Variants in RP1L1 observed in about 807,000 individuals in gnomAD.
RP1L1 encodes RP1 like 1, also known as retinitis pigmentosa 1-like 1 protein.
Under a neutral mutation model 15.7 loss-of-function variants are expected in RP1L1, and 27 were observed. That is an observed-to-expected ratio of 1.72 (90% CI 1.27 to 2.38). The LOEUF (loss-of-function observed/expected upper bound fraction) is 2.38. Ranked by LOEUF, RP1L1 falls within the 30% of genes most tolerant of loss-of-function variation. RP1L1 has a pLI of 0.00. For synonymous variants in RP1L1, 1,813 were observed against 1,276.7 expected, an observed-to-expected ratio of 1.42 and a Z score of -8.96; for missense variants, 4,798 against 3,075.9, an observed-to-expected ratio of 1.56 and a Z score of -13.24.
intron 1 of RP1L1, among the ~76,000 whole-genome samples, chr8:10,642,458 C>T (rs959895045): frequency 2.0e-5 from 3 of 152,314 alleles, no homozygotes; most frequent in Non-Finnish European, 2.9e-5. Flanking sequence ...GCCTGGAACG[C>T]GTATGCGATG....
intron 1 of RP1L1, among the ~76,000 whole-genome samples, chr8:10,651,930 T>G (rs975966703): frequency 2.0e-5 from 3 of 152,118 alleles, no homozygotes; most frequent in African/African-American, 7.2e-5. Context: ...AGGTGTGCCA[T>G]TTAAAAAAAT....
Position 10,610,889 on chromosome 8 carries a change from A to G in RP1L1, c.3209T>C (p.Val1070Ala), listed in dbSNP as rs746579166. Residue 1070 changes from valine to alanine, a missense_variant, in exon 4 of 4, where the codon GTG (valine) becomes GCG (alanine). Val to Ala is a moderately conservative substitution (Grantham distance 64). Coordinates refer to ENST00000382483, the MANE Select transcript of RP1L1 (RefSeq NM_178857.6). The stretch of plus-strand genomic sequence containing the variant: ...CCGGCCAGGAAGTGCCCGCAGGCTC[A>G]CCCTGCAGCCTGCTGGGGCCTCTCT... ...ADREAPAGCR[V>A]SLRALPGRVS... is the part of the protein sequence containing the mutation. The G allele has an allele frequency of 1.1e-5, 17 of 1,610,100 alleles. No homozygotes were observed. The highest frequency in any genetic ancestry group is 1.4e-5 in the Non-Finnish European group (16 of 1,178,524).
At chr8:10,618,590 G>T (rs577086970) in intron 2 of RP1L1, among the ~76,000 whole-genome samples, 1 of 152,260 alleles carries the variant, frequency 6.6e-6, no homozygotes, top group Admixed American at 6.5e-5. Flanking sequence ...TGCTTGGGAG[G>T]CTGAGATGGG....
intron 1 of RP1L1, among the ~76,000 whole-genome samples, chr8:10,625,247 C>A (rs1428267959): frequency 2.0e-5 from 3 of 152,184 alleles, no homozygotes; most frequent in Non-Finnish European, 4.4e-5. Flanking sequence ...AGAGAGAACA[C>A]CCTACCTGCA....
intron 1 of RP1L1, among the ~76,000 whole-genome samples, chr8:10,639,399 G>C (rs1487674011): frequency 6.6e-6 from 1 of 152,038 alleles, no homozygotes; most frequent in Non-Finnish European, 1.5e-5. Context: ...TATTTATTTA[G>C]AGACAGGGTC....
Position 10,610,360 on chromosome 8 carries a change from G to T in RP1L1, c.3738C>A (p.Ser1246Arg). 2 of 1,614,138 alleles carry T rather than the reference G, an allele frequency of 1.2e-6. No individual in the cohort carries two copies. The highest frequency in any genetic ancestry group is 1.7e-6 in the Non-Finnish European group (2 of 1,180,024). ...GCTGTTGGTTTTCCAGATCCCCTGG[G>T]CTCTCATAAGTTCTTGAATCAGGCC... ...NQRPDSRTYESPGDLENQQQC... is the reference protein window; with the variant it reads ...NQRPDSRTYERPGDLENQQQC... The change falls in exon 4 of 4, where the codon AGC (serine) becomes AGA (arginine). Residue 1246 changes from serine (S) to arginine (R), a missense_variant. Transcript: ENST00000382483.
intron 1 of RP1L1, among the ~76,000 whole-genome samples, chr8:10,642,291 C>G (rs926507043): frequency 6.6e-6 from 1 of 152,112 alleles, no homozygotes; most frequent in African/African-American, 2.4e-5. Flanking sequence ...TTTTGGGGGA[C>G]TGCAATAGAT....
At chr8:10,638,793 A>G (rs1424300809) in intron 1 of RP1L1, among the ~76,000 whole-genome samples, 1 of 152,160 alleles carries the variant, frequency 6.6e-6, no homozygotes, top group Non-Finnish European at 1.5e-5. Flanking sequence ...CCAGTGGATC[A>G]TTAAGAAGCT....
intron 2 of RP1L1, chr8:10,621,492 A>G: frequency 3.2e-6 from 1 of 317,310 alleles, no homozygotes; most frequent in Non-Finnish European, 6.2e-6. Context: ...CACCTGGCTA[A>G]TTTTTGTATT....
intron 1 of RP1L1, among the ~76,000 whole-genome samples, chr8:10,636,326 C>A (rs979315218): frequency 4.6e-5 from 7 of 152,346 alleles, no homozygotes; most frequent in Admixed American, 3.3e-4. Context: ...GGAAAAGGAG[C>A]CGGTCTGCAG....
At chr8:10,614,204 T>G (rs1797927636) in intron 3 of RP1L1, among the ~76,000 whole-genome samples, 1 of 152,134 alleles carries the variant, frequency 6.6e-6, no homozygotes, top group Non-Finnish European at 1.5e-5. Context: ...TTCTCTGTGA[T>G]TATTAGTGGT....
rs1475465911 is a variant in RP1L1, at chr8:10,606,792, C to G, written c.*103G>C. The G allele has an allele frequency of 6.3e-7, 1 of 1,575,226 alleles. No homozygotes were observed. Among genetic ancestry groups the G allele is most frequent in the Admixed American group, 1.8e-5 (1 of 56,274 alleles). On this transcript the variant is annotated 3_prime_UTR_variant, in exon 4 of 4. Transcript: ENST00000382483. ...CAAGTCCTTGGTCTTTGTCCATGTACTATGGACATCTCCAGTGGACTGAAC... is the reference window on the plus strand; with the variant it reads ...CAAGTCCTTGGTCTTTGTCCATGTAGTATGGACATCTCCAGTGGACTGAAC...
At chr8:10,633,727 C>G (rs1798287604) in intron 1 of RP1L1, among the ~76,000 whole-genome samples, 1 of 152,128 alleles carries the variant, frequency 6.6e-6, no homozygotes, top group African/African-American at 2.4e-5. Flanking sequence ...GGAACGTTCT[C>G]CAGACCTAAG....
rs776621697 is a variant in RP1L1, at chr8:10,608,164, C to G, written c.5934G>C (p.Glu1978Asp). The change falls in exon 4 of 4, where the codon GAG becomes GAC. Residue 1978 changes from glutamate (E) to aspartate (D), a missense_variant. Glu to Asp is a conservative substitution (Grantham distance 45). Transcript: ENST00000382483. ...EEAQPESEDV[E>D]ALEVEVETQE... is the part of the protein sequence containing the mutation. ...GGGTCTCCACTTCAACCTCCAGGGCCTCTACATCTTCTGACTCTGGCTGGG... is the reference window on the plus strand; with the variant it reads ...GGGTCTCCACTTCAACCTCCAGGGCGTCTACATCTTCTGACTCTGGCTGGG... The G allele has an allele frequency of 3.1e-6, 5 of 1,612,598 alleles. No individual in the cohort carries two copies.
Position 10,612,236 on chromosome 8 carries a change from G to C in RP1L1, c.1862C>G (p.Ser621Trp), listed in dbSNP as rs778222700. The C allele has an allele frequency of 3.0e-5, 49 of 1,613,082 alleles. No individual in the cohort carries two copies. Among genetic ancestry groups the C allele is most frequent in the Non-Finnish European group, 4.1e-5 (48 of 1,179,998 alleles). The part of the protein sequence containing the change: ...LVLGLSCSWD[S>W]EGASSTPSTC... ...GGAAGGGGTGGAAGAGGCTCCTTCC[G>C]AGTCCCAGGAGCAGGAAAGGCCCAG... The change falls in exon 4 of 4, where the codon TCG becomes TGG. Residue 621 changes from serine (S) to tryptophan (W), a missense_variant. Ser to Trp is a radical substitution (Grantham distance 177). Coordinates refer to ENST00000382483, the MANE Select transcript of RP1L1 (RefSeq NM_178857.6).
At chr8:10,636,928 C>A (rs559135241) in intron 1 of RP1L1, among the ~76,000 whole-genome samples, 1 of 152,322 alleles carries the variant, frequency 6.6e-6, no homozygotes, top group East Asian at 1.9e-4. Context: ...CTCCCTGACA[C>A]AACTCCCAGG....
intron 1 of RP1L1, among the ~76,000 whole-genome samples, chr8:10,632,609 C>G (rs1475627320): frequency 1.3e-5 from 2 of 152,230 alleles, no homozygotes; most frequent in African/African-American, 4.8e-5. Flanking sequence ...CGCCTTATTT[C>G]TCCCGCTAGA....
At chr8:10,618,750 T>C (rs550134533) in intron 2 of RP1L1, among the ~76,000 whole-genome samples, 42 of 152,282 alleles carry the variant, frequency 2.8e-4, no homozygotes, top group African/African-American at 1.0e-3. Context: ...CCTTGTGAGT[T>C]TGTGTAGTGA....
At chr8:10,647,675 C>A (rs547198325) in intron 1 of RP1L1, among the ~76,000 whole-genome samples, 1 of 152,230 alleles carries the variant, frequency 6.6e-6, no homozygotes, top group South Asian at 2.1e-4. Context: ...GCATTTCCCT[C>A]CTTTTTAGGG....
Sources: allele counts gnomAD v4.1 joint callset (sites outside exome capture counted in the v4.1 genomes callset), GRCh38; gene constraint gnomAD v4.1.1; transcripts MANE v1.5; gene names NCBI Gene and HGNC (gene_info 2026-07-23, HGNC 2026-07-21).